Variants in EDDM3A observed in about 807,000 individuals in gnomAD.
The protein encoded by EDDM3A is epididymal secretory protein E3-alpha.
For missense variants in EDDM3A, 199 were observed against 177.4 expected (o/e 1.12, Z -0.69); for synonymous variants, 75 against 60.4 (o/e 1.24, Z -1.12).
At chr14:20,737,040 T>G in the EDDM3A span, among the ~76,000 whole-genome samples, 1 of 146,514 alleles carries the variant, frequency 6.8e-6, no homozygotes, top group South Asian at 2.2e-4. Flanking sequence ...TTCTTTTCTT[T>G]TCTTTTCTTT....
chr14:20,740,834 G>GAAAGTGGAAA, the EDDM3A span, among the ~76,000 whole-genome samples: 2 of 139,320 alleles, frequency 1.4e-5, no homozygotes, highest in Admixed American at 6.7e-5. Flanking sequence ...ACAAGATGCA[G>GAAAGTGGAAA]GAATGGCCTC....
chr14:20,743,596 A>G (rs904651453), upstream of EDDM3A, among the ~76,000 whole-genome samples: 1 of 152,198 alleles, frequency 6.6e-6, no homozygotes, highest in Non-Finnish European at 1.5e-5. Flanking sequence ...AATAATTAAA[A>G]TCAAAGACAA....
upstream of EDDM3A, among the ~76,000 whole-genome samples, chr14:20,743,786 G>A (rs1877506200): frequency 6.6e-6 from 1 of 152,128 alleles, no homozygotes; most frequent in Non-Finnish European, 1.5e-5. Context: ...ACCTTCCTGG[G>A]CTGCATTCAT....
chr14:20,738,470 A>AAATAAATAAATAAAT, the EDDM3A span, among the ~76,000 whole-genome samples: 1 of 143,284 alleles, frequency 7.0e-6, no homozygotes, highest in Non-Finnish European at 1.5e-5. Context: ...ACTCTGTCTC[A>AAATAAATAAATAAAT]AAATAAATAA....
the EDDM3A span, among the ~76,000 whole-genome samples, chr14:20,736,480 C>T: frequency 1.3e-5 from 2 of 152,118 alleles, no homozygotes; most frequent in African/African-American, 2.4e-5. Flanking sequence ...ATTACTTTCA[C>T]GGTGGTAACA....
chr14:20,741,606 A>C (rs1055077179), upstream of EDDM3A, among the ~76,000 whole-genome samples: 1 of 152,220 alleles, frequency 6.6e-6, no homozygotes, highest in Non-Finnish European at 1.5e-5. Flanking sequence ...AACTACAGAC[A>C]GGAAGGCCAT....
chr14:20,745,649 T>C (rs1877562026), upstream of EDDM3A, among the ~76,000 whole-genome samples: 1 of 152,190 alleles, frequency 6.6e-6, no homozygotes, highest in African/African-American at 2.4e-5. Context: ...TGTCTCCTGA[T>C]AGCACCAGAT....
chr14:20,738,872 G>C, the EDDM3A span, among the ~76,000 whole-genome samples: 2 of 152,174 alleles, frequency 1.3e-5, no homozygotes, highest in Non-Finnish European at 2.9e-5. Context: ...GTAAATGAGG[G>C]AAAGTTTGGT....
At chr14:20,746,384 C>G (rs1021166784) in intron 1 of EDDM3A, among the ~76,000 whole-genome samples, 1 of 152,034 alleles carries the variant, frequency 6.6e-6, no homozygotes, top group Middle Eastern at 3.2e-3. Flanking sequence ...CTGAGGACAC[C>G]GATACTCAGA....
chr14:20,746,075 A>G (rs904818571), intron 1 of EDDM3A, 83 bp downstream of exon 1: 4 of 152,238 alleles, frequency 2.6e-5, no homozygotes, highest in African/African-American at 9.7e-5. Context: ...ATAGCAAACA[A>G]TGGAGAAGGA....
chr14:20,741,077 A>G (rs1877422456), upstream of EDDM3A, among the ~76,000 whole-genome samples: 1 of 152,182 alleles, frequency 6.6e-6, no homozygotes, highest in African/African-American at 2.4e-5. Flanking sequence ...GTTCTCTTCT[A>G]TATTATTTTC....
At chr14:20,742,686 A>C (rs898966151), upstream of EDDM3A, among the ~76,000 whole-genome samples, 1 of 152,100 alleles carries the variant, frequency 6.6e-6, no homozygotes, top group African/African-American at 2.4e-5. Flanking sequence ...TTCTAAGCTC[A>C]AGCAATCTTC....
chr14:20,738,506 T>TAAATAAATAAATAAATAAAC, the EDDM3A span, among the ~76,000 whole-genome samples: 5 of 144,322 alleles, frequency 3.5e-5, no homozygotes, highest in African/African-American at 1.3e-4. Context: ...AATAAATAAA[T>TAAATAAATAAATAAATAAAC]AAACAGTAGC....
chr14:20,742,045 C>G (rs1369151884), upstream of EDDM3A, among the ~76,000 whole-genome samples: 1 of 152,222 alleles, frequency 6.6e-6, no homozygotes, highest in Non-Finnish European at 1.5e-5. Flanking sequence ...GGGACATCAT[C>G]TCTTGACTGA....
chr14:20,740,597 G>A, the EDDM3A span, among the ~76,000 whole-genome samples: 11 of 152,202 alleles, frequency 7.2e-5, no homozygotes, highest in East Asian at 1.9e-4. Flanking sequence ...ACATAGGGAC[G>A]TACAGTGGAA....
At chr14:20,746,028 GCCAGGAA>G (rs1215462042) in intron 1 of EDDM3A, 36 bp downstream of exon 1, 2 of 152,276 alleles carry the variant, frequency 1.3e-5, no homozygotes, top group African/African-American at 4.8e-5. Flanking sequence ...TCGGGGGACA[GCCAGGAA>G]CACTGGAAGG....
chr14:20,746,192 G>A (rs758983362), intron 1 of EDDM3A, among the ~76,000 whole-genome samples, 200 bp downstream of exon 1: 5 of 152,272 alleles, frequency 3.3e-5, no homozygotes, highest in Middle Eastern at 3.4e-3. Flanking sequence ...CCTAAGCACA[G>A]TGCATTAAAG....
rs201758771 is a variant in EDDM3A, at chr14:20,747,996, T to C, written c.416T>C (p.Leu139Pro). Residue 139 changes from leucine to proline, a missense_variant, in exon 2 of 2, where the codon CTG (leucine) becomes CCG (proline). Leu to Pro is a moderately conservative substitution (Grantham distance 98, BLOSUM62 -3). Coordinates refer to ENST00000326842, the MANE Select transcript of EDDM3A (RefSeq NM_006683.5). ...GGATATGTTGATAACATAGAAGACC[T>C]GAGGATTATAGAACCTATCAGCAAC... Reference protein sequence around the residue: ...VDGYVDNIEDLRIIEPISN With the variant: ...VDGYVDNIEDPRIIEPISN 2.8e-5 allele frequency: 45 copies of C among 1,609,860 alleles called. No individual in the cohort carries two copies.
chr14:20,740,747 G>A, the EDDM3A span, among the ~76,000 whole-genome samples: 5,698 of 150,728 alleles, frequency 0.038, 27 homozygotes, highest in African/African-American at 0.13. Flanking sequence ...TCGGCTCACT[G>A]CTGTTGGCTC....
Sources: allele counts gnomAD v4.1 joint callset (sites outside exome capture counted in the v4.1 genomes callset), GRCh38; gene constraint gnomAD v4.1.1; transcripts MANE v1.5; gene names NCBI Gene and HGNC (gene_info 2026-07-23, HGNC 2026-07-21).